MGAT4C: variants seen among roughly 807,000 people sequenced by gnomAD.
The protein encoded by MGAT4C is MGAT4 family member C.
In MGAT4C, 19 loss-of-function variants were observed where a neutral mutation model predicts 40.1. The ratio of observed to expected loss-of-function variants is 0.47; its 90% CI spans 0.33 to 0.70. MGAT4C has a LOEUF of 0.70. MGAT4C is among the 30% of genes least tolerant of loss of function. MGAT4C has a pLI of 0.02. For synonymous variants in MGAT4C, 181 were observed against 187.1 expected (o/e 0.97, Z 0.27); for missense variants, 491 against 563.2 (o/e 0.87, Z 1.30).
At chr12:86,375,718 A>T (rs956526144) in intron 3 of MGAT4C, among the ~76,000 whole-genome samples, 3 of 152,098 alleles carry the variant, frequency 2.0e-5, no homozygotes, top group African/African-American at 4.8e-5. Flanking sequence ...AGAAGTTTAC[A>T]ACAATAAATA....
intron 1 of MGAT4C, among the ~76,000 whole-genome samples, chr12:86,142,876 T>C (rs977054644): frequency 2.0e-5 from 3 of 152,130 alleles, no homozygotes; most frequent in Admixed American, 6.6e-5. Context: ...CGATAGATCT[T>C]ATAAGGAGGT....
chr12:86,195,176 T>A (rs576300096), intron 1 of MGAT4C, among the ~76,000 whole-genome samples: 2 of 152,180 alleles, frequency 1.3e-5, no homozygotes, highest in Admixed American at 6.5e-5. Context: ...TTTACATAAA[T>A]AAGCAAGGGA....
At chr12:85,986,371 T>C (rs908794248) in intron 3 of MGAT4C, among the ~76,000 whole-genome samples, 1 of 152,238 alleles carries the variant, frequency 6.6e-6, no homozygotes, top group African/African-American at 2.4e-5. Flanking sequence ...ACTTTGAAGA[T>C]GCTCAAAGCC....
intron 2 of MGAT4C, among the ~76,000 whole-genome samples, chr12:86,627,699 A>T (rs528755473): frequency 6.6e-6 from 1 of 152,328 alleles, no homozygotes; most frequent in African/African-American, 2.4e-5. Flanking sequence ...TACCACTAAC[A>T]TCAACAAAAA....
intron 4 of MGAT4C, among the ~76,000 whole-genome samples, chr12:85,982,390 T>C (rs1884703893): frequency 6.6e-6 from 1 of 152,180 alleles, no homozygotes; most frequent in African/African-American, 2.4e-5. Context: ...GGTTTCACCA[T>C]GTTGGCCAGG....
At position 85,974,829 on chromosome 12, in the gene MGAT4C, A is replaced by T. The variant is rs1883853030; in HGVS notation, c.*4460T>A. ...AATGAAACTCAAAGTAGACTAGCAG[A>T]TAAGATACCTATTTCAAACATCAGT... is the stretch of plus-strand genomic sequence containing the variant. On this transcript the variant is annotated 3_prime_UTR_variant, in exon 5 of 5. Transcript: ENST00000611864. 6.6e-6 allele frequency: 1 copy of T among 150,720 alleles called. No individual in the cohort carries two copies. The highest frequency in any genetic ancestry group is 6.6e-5 in the Admixed American group (1 of 15,080). The allele number at this position is 150,720 out of a possible 1,614,324, so 9.3% of individuals were successfully genotyped here.
chr12:86,829,931 T>G (rs1952887860), intron 1 of MGAT4C, among the ~76,000 whole-genome samples: 1 of 150,818 alleles, frequency 6.6e-6, no homozygotes, highest in South Asian at 2.1e-4. Context: ...ATCGATGTTT[T>G]TTTTACATTT....
intron 1 of MGAT4C, among the ~76,000 whole-genome samples, chr12:86,171,601 G>T (rs768183339): frequency 1.3e-5 from 2 of 152,096 alleles, no homozygotes; most frequent in Non-Finnish European, 1.5e-5. Flanking sequence ...AACTAATGAT[G>T]TTCAATAGCT....
intron 1 of MGAT4C, among the ~76,000 whole-genome samples, chr12:86,244,220 C>T (rs570032722): frequency 1.3e-5 from 2 of 152,254 alleles, no homozygotes; most frequent in South Asian, 4.2e-4. Context: ...TGCTGACTAC[C>T]CTCCAGGCAT....
intron 2 of MGAT4C, among the ~76,000 whole-genome samples, chr12:86,490,007 T>C (rs1958102303): frequency 6.6e-6 from 1 of 152,026 alleles, no homozygotes; most frequent in African/African-American, 2.4e-5. Context: ...CTGCAGGATA[T>C]CATCCAGGAG....
At chr12:86,719,947 T>C (rs1260304509) in intron 2 of MGAT4C, among the ~76,000 whole-genome samples, 1 of 152,198 alleles carries the variant, frequency 6.6e-6, no homozygotes, top group African/African-American at 2.4e-5. Flanking sequence ...AAAGACTTCT[T>C]GACTCTTTGA....
At chr12:86,350,651 C>T (rs1244194163) in intron 3 of MGAT4C, among the ~76,000 whole-genome samples, 1 of 152,106 alleles carries the variant, frequency 6.6e-6, no homozygotes, top group Non-Finnish European at 1.5e-5. Flanking sequence ...TGTAAGATTG[C>T]TACCTATAAG....
intron 2 of MGAT4C, among the ~76,000 whole-genome samples, chr12:86,042,681 C>T (rs180892934): frequency 2.3e-4 from 35 of 151,624 alleles, no homozygotes; most frequent in East Asian, 7.8e-4. Flanking sequence ...CTGGCTAACA[C>T]GGTGAAACCC....
At chr12:86,281,432 A>G (rs1953216431) in intron 4 of MGAT4C, among the ~76,000 whole-genome samples, 1 of 152,118 alleles carries the variant, frequency 6.6e-6, no homozygotes, top group African/African-American at 2.4e-5. Context: ...GTAGATAGAA[A>G]TAGAGATATA....
chr12:86,796,910 G>A (rs1472318006), intron 1 of MGAT4C, among the ~76,000 whole-genome samples: 1 of 151,788 alleles, frequency 6.6e-6, no homozygotes, highest in African/African-American at 2.4e-5. Flanking sequence ...ACATACAATT[G>A]TATCTGTCCA....
At chr12:86,199,361 T>C (rs1156265773) in intron 1 of MGAT4C, among the ~76,000 whole-genome samples, 3 of 126,162 alleles carry the variant, frequency 2.4e-5, no homozygotes, top group Non-Finnish European at 5.1e-5. Flanking sequence ...GAGATGACAA[T>C]GTTAAGGGAC....
At chr12:86,426,004 A>T (rs1956918216) in intron 3 of MGAT4C, among the ~76,000 whole-genome samples, 1 of 152,230 alleles carries the variant, frequency 6.6e-6, no homozygotes, top group African/African-American at 2.4e-5. Context: ...AATAAAAATT[A>T]AAAAGTTTTC....
At chr12:86,706,195 T>C (rs921108456) in intron 2 of MGAT4C, among the ~76,000 whole-genome samples, 1 of 152,152 alleles carries the variant, frequency 6.6e-6, no homozygotes, top group South Asian at 2.1e-4. Flanking sequence ...AAGAAGGTAA[T>C]GTAAGGAGAA....
At chr12:86,299,442 A>T (rs1306323310) in intron 4 of MGAT4C, among the ~76,000 whole-genome samples, 1 of 152,170 alleles carries the variant, frequency 6.6e-6, no homozygotes, top group Non-Finnish European at 1.5e-5. Context: ...TCTACCTGAA[A>T]ATGTCTCTTT....
Sources: allele counts gnomAD v4.1 joint callset (sites outside exome capture counted in the v4.1 genomes callset), GRCh38; gene constraint gnomAD v4.1.1; transcripts MANE v1.5; gene names NCBI Gene and HGNC (gene_info 2026-07-23, HGNC 2026-07-21).